The following DPP6 variants were observed in gnomAD, a reference collection of about 807,000 sequenced individuals.
DPP6 encodes the protein dipeptidyl peptidase like 6, also known as A-type potassium channel modulatory protein DPP6.
In DPP6, 69 loss-of-function variants were observed where a neutral mutation model predicts 122.6. That is an observed-to-expected ratio of 0.56 (90% CI 0.46 to 0.69). The LOEUF (loss-of-function observed/expected upper bound fraction) is 0.69, where lower values mean the gene tolerates loss of function less well. Ranked by LOEUF, DPP6 falls within the 30% of genes least tolerant of loss-of-function variation. The pLI, the probability that DPP6 is intolerant of heterozygous loss-of-function variation, is 0.00. For synonymous variants in DPP6, 418 were observed against 433.1 expected (o/e 0.97, Z 0.43); for missense variants, 928 against 1,116.9 (o/e 0.83, Z 2.41).
chr7:154,548,341 G>A (rs1249666425), intron 4 of DPP6, among the ~76,000 whole-genome samples: 1 of 151,764 alleles, frequency 6.6e-6, no homozygotes, highest in East Asian at 1.9e-4. Context: ...GAGGTGGGCG[G>A]ATCACAAGGT....
At chr7:154,384,581 C>G (rs1350528037) in intron 1 of DPP6, among the ~76,000 whole-genome samples, 2 of 152,076 alleles carry the variant, frequency 1.3e-5, no homozygotes, top group African/African-American at 4.8e-5. Flanking sequence ...GTCACACTGC[C>G]TCTCTATACT....
chr7:154,609,984 A>G (rs1269644649), intron 5 of DPP6, among the ~76,000 whole-genome samples: 2 of 152,200 alleles, frequency 1.3e-5, no homozygotes, highest in African/African-American at 4.8e-5. Flanking sequence ...ATATAACCAT[A>G]CAAAACTAAA....
At chr7:153,966,147 G>A (rs1433551060) in intron 1 of DPP6, among the ~76,000 whole-genome samples, 1 of 99,082 alleles carries the variant, frequency 1.0e-5, no homozygotes, top group African/African-American at 3.5e-5. Flanking sequence ...GACCCCTCTC[G>A]TGGCGTTGAA....
chr7:153,775,081 A>T, the DPP6 span, among the ~76,000 whole-genome samples: 4 of 149,562 alleles, frequency 2.7e-5, no homozygotes, highest in Non-Finnish European at 3.0e-5. Flanking sequence ...AATACCAGAA[A>T]CAGGCAAAAG....
At chr7:153,842,587 T>C in the DPP6 span, among the ~76,000 whole-genome samples, 5 of 152,188 alleles carry the variant, frequency 3.3e-5, no homozygotes, top group African/African-American at 1.2e-4. Flanking sequence ...CATAATCATT[T>C]TATGACTTCA....
intron 5 of DPP6, among the ~76,000 whole-genome samples, chr7:154,613,782 AC>A (rs1042142571): frequency 2.0e-5 from 3 of 152,136 alleles, no homozygotes; most frequent in African/African-American, 7.2e-5. Flanking sequence ...TGAGCTTCTA[AC>A]TGATAATAAA....
chr7:154,753,656 C>T (rs1167564975), intron 8 of DPP6, among the ~76,000 whole-genome samples: 2 of 152,130 alleles, frequency 1.3e-5, no homozygotes, highest in African/African-American at 2.4e-5. Flanking sequence ...GTCCCCACAG[C>T]GACTTCTGCT....
chr7:154,619,973 C>A (rs532858551), intron 5 of DPP6, among the ~76,000 whole-genome samples: 156 of 152,318 alleles, frequency 1.0e-3, no homozygotes, highest in African/African-American at 3.4e-3. Flanking sequence ...ACAGCTTTGT[C>A]AAAATGCAGA....
At chr7:154,866,908 A>G (rs1045883418) in intron 17 of DPP6, among the ~76,000 whole-genome samples, 2 of 151,072 alleles carry the variant, frequency 1.3e-5, no homozygotes, top group African/African-American at 4.9e-5. Context: ...ACAAAGCCAC[A>G]CGTCCAGATT....
chr7:153,863,654 A>T, the DPP6 span, among the ~76,000 whole-genome samples: 1 of 152,180 alleles, frequency 6.6e-6, no homozygotes, highest in Non-Finnish European at 1.5e-5. Flanking sequence ...ACACCCATCG[A>T]CTGAATTTAA....
At chr7:154,306,855 A>G (rs1806392412) in intron 1 of DPP6, among the ~76,000 whole-genome samples, 4 of 152,154 alleles carry the variant, frequency 2.6e-5, no homozygotes, top group Admixed American at 2.6e-4. Context: ...AAAACAGACA[A>G]ACCAAACCCT....
chr7:154,765,836 C>T (rs1231914520), intron 8 of DPP6, among the ~76,000 whole-genome samples: 3 of 152,268 alleles, frequency 2.0e-5, no homozygotes, highest in Non-Finnish European at 1.5e-5. Flanking sequence ...TCATTTTGTT[C>T]CAAGGCAGGC....
intron 1 of DPP6, among the ~76,000 whole-genome samples, chr7:154,318,828 T>A (rs1039429470): frequency 6.6e-6 from 1 of 151,998 alleles, no homozygotes; most frequent in Non-Finnish European, 1.5e-5. Flanking sequence ...TGAGCTTATA[T>A]GTTAGAGAAA....
chr7:154,816,863 C>T (rs537219514), intron 16 of DPP6, among the ~76,000 whole-genome samples: 4 of 152,268 alleles, frequency 2.6e-5, no homozygotes, highest in Non-Finnish European at 5.9e-5. Context: ...ATGCCAGAGC[C>T]ACAAAACATT....
intron 5 of DPP6, among the ~76,000 whole-genome samples, chr7:154,574,630 TGTGTGTGTG>T (rs1385350297): frequency 3.8e-5 from 4 of 105,648 alleles, no homozygotes; most frequent in Admixed American, 1.1e-4. Flanking sequence ...GTGTGTGGTG[TGTGTGTGTG>T]GTGTGTGTGG....
chr7:154,224,593 C>T lies in DPP6; in HGVS notation c.243+171530C>T, dbSNP rs909819856. On this transcript the variant is annotated intron_variant, in intron 1 of 25. Transcript: ENST00000377770. ...ACTATATTCTAAAGTTTGCTGTGTACATTAAATACCATATGTGGTGAACAT... is the reference window on the plus strand; with the variant it reads ...ACTATATTCTAAAGTTTGCTGTGTATATTAAATACCATATGTGGTGAACAT... Among the ~76,000 whole-genome samples, 5 of 149,292 alleles carry T rather than the reference C, an allele frequency of 3.3e-5. 1 individual carries two copies. The highest frequency in any genetic ancestry group is 5.1e-5 in the African/African-American group (2 of 39,210).
chr7:154,311,780 G>C (rs1359942929), intron 1 of DPP6, among the ~76,000 whole-genome samples: 2 of 152,022 alleles, frequency 1.3e-5, no homozygotes, highest in African/African-American at 4.8e-5. Flanking sequence ...ATCTCCACTG[G>C]TACCCATGGT....
chr7:153,938,611 G>A (rs1234105210), intron 1 of DPP6, among the ~76,000 whole-genome samples: 5 of 152,212 alleles, frequency 3.3e-5, no homozygotes, highest in Non-Finnish European at 7.3e-5. Flanking sequence ...GTGCTTTGCT[G>A]TAGAAAGTTA....
intron 1 of DPP6, among the ~76,000 whole-genome samples, chr7:154,394,974 T>C (rs1455489359): frequency 1.3e-5 from 2 of 152,228 alleles, no homozygotes; most frequent in East Asian, 3.8e-4. Context: ...TATATCACTT[T>C]GTGTGGTGCC....
Sources: gnomAD v4.1 joint callset for allele counts (sites outside exome capture counted in the v4.1 genomes callset) on GRCh38, gnomAD v4.1.1 for gene constraint, MANE v1.5 for transcripts, NCBI Gene and HGNC (gene_info 2026-07-23, HGNC 2026-07-21) for gene names.